TDRD12: variants seen among roughly 807,000 people sequenced by gnomAD.
The protein encoded by TDRD12 is tudor domain containing 12.
A neutral mutation model predicts 133.5 loss-of-function variants in TDRD12; 158 were observed. The observed-to-expected ratio is 1.18, with a 90% CI of 1.04 to 1.35. The LOEUF (loss-of-function observed/expected upper bound fraction) is 1.35. Among genes scored for constraint, TDRD12 ranks in the 40% most tolerant of loss-of-function variants. TDRD12 has a pLI of 0.00. For missense variants in TDRD12, 1,443 were observed against 1,321.3 expected (o/e 1.09, Z -1.43); for synonymous variants, 460 against 477.9 (o/e 0.96, Z 0.49).
In TDRD12 at chr19:32,807,235, C is replaced by T. The variant is rs915745142; in HGVS notation, c.2553-314C>T. On this transcript the variant is annotated intron_variant, in intron 21 of 27. Coordinates refer to ENST00000444215, the Ensembl canonical transcript of TDRD12. Reference sequence around the variant, plus strand: ...TGAGACATGATCTTGCCACTGCACTCCAGGCTGGGCAACAGAGTGAGACCA... The same window carrying T: ...TGAGACATGATCTTGCCACTGCACTTCAGGCTGGGCAACAGAGTGAGACCA... 4.7e-5 allele frequency among the ~76,000 whole-genome samples: 6 copies of T among 129,018 alleles called. No homozygotes were observed. The Admixed American group carries it at 5.2e-4, about 11-fold the overall frequency. The allele number at this position is 129,018 out of a possible 152,430, so 84.6% of individuals were successfully genotyped here.
At chr19:32,812,114 A>G (rs1967027164) in intron 24 of TDRD12, among the ~76,000 whole-genome samples, 1 of 152,220 alleles carries the variant, frequency 6.6e-6, no homozygotes, top group Non-Finnish European at 1.5e-5. Context: ...AAAGAGAACC[A>G]CTTGTGCTCA....
intron 27 of TDRD12, among the ~76,000 whole-genome samples, chr19:32,818,493 T>C (rs1967265398): frequency 6.6e-6 from 1 of 152,166 alleles, no homozygotes; most frequent in African/African-American, 2.4e-5. Flanking sequence ...AAGGGAGGGC[T>C]AGGGGACAAG....
intron 14 of TDRD12, among the ~76,000 whole-genome samples, chr19:32,795,750 G>A (rs1971207292): frequency 6.6e-6 from 1 of 152,220 alleles, no homozygotes; most frequent in Non-Finnish European, 1.5e-5. Context: ...GCGGAAGCAT[G>A]ATGCTGGCAT....
Position 32,720,137 on chromosome 19 carries a change from T to C in TDRD12, c.24+41T>C, listed in dbSNP as rs780746398. ...CCAGACCCACGCCAGACCCACGCAG[T>C]CCCCCACCCCCACCCCAGCCGCGCA... is the stretch of plus-strand genomic sequence containing the variant. On this transcript the variant is annotated intron_variant, in intron 1 of 27. Coordinates refer to ENST00000444215, the Ensembl canonical transcript of TDRD12. The C allele has an allele frequency of 1.6e-4, 250 of 1,519,898 alleles. No homozygotes were observed. In the East Asian group the frequency reaches 4.7e-3, roughly 28 times the overall value. The allele number at this position is 1,519,898 out of a possible 1,614,324, so 94.2% of individuals were successfully genotyped here.
At chr19:32,828,083 T>C (rs1967649385) in exon 10 of TDRD12, 1 of 152,230 alleles carries the variant, frequency 6.6e-6, no homozygotes, top group Non-Finnish European at 1.5e-5. Flanking sequence ...CATAACCATC[T>C]ATGTGAATTG....
chr19:32,780,088 T>TC lies in TDRD12; in HGVS notation c.1121+2859_1121+2860insC, dbSNP rs1380334192. Reference sequence around the variant, plus strand: ...TGCCCATTCTTTTTTTCTTTTCTTTTTTTTTTTTTTTTTGAGACAGAGTCT... The same window carrying TC: ...TGCCCATTCTTTTTTTCTTTTCTTTTCTTTTTTTTTTTTTGAGACAGAGTCT... On this transcript the variant is annotated intron_variant, in intron 11 of 27. Transcript: ENST00000444215. Among the ~76,000 whole-genome samples, 14 of 142,124 alleles carry TC rather than the reference T, an allele frequency of 9.9e-5. 1 individual carries two copies. Among genetic ancestry groups the TC allele is most frequent in the Admixed American group, 5.4e-4 (8 of 14,758 alleles). The allele number at this position is 142,124 out of a possible 152,430, so 93.2% of individuals were successfully genotyped here.
At chr19:32,732,993 G>A (rs1969106537) in intron 2 of TDRD12, among the ~76,000 whole-genome samples, 1 of 152,026 alleles carries the variant, frequency 6.6e-6, no homozygotes, top group Admixed American at 6.6e-5. Context: ...GGGCAACATA[G>A]TAAGACCCTG....
intron 10 of TDRD12, among the ~76,000 whole-genome samples, chr19:32,774,103 A>G (rs906939082): frequency 6.6e-6 from 1 of 152,210 alleles, no homozygotes; most frequent in African/African-American, 2.4e-5. Context: ...CCTCTTCAAG[A>G]TACATGTCAG....
chr19:32,826,042 A>C, downstream of TDRD12: 1 of 1,322,168 alleles, frequency 7.6e-7, no homozygotes, highest in Middle Eastern at 1.8e-4. Flanking sequence ...ATGTGTGTAC[A>C]TGATGGAGTT....
At chr19:32,751,238 A>G (rs1299166389) in intron 6 of TDRD12, among the ~76,000 whole-genome samples, 1 of 151,808 alleles carries the variant, frequency 6.6e-6, no homozygotes, top group African/African-American at 2.4e-5. Flanking sequence ...TTTGCTGAGG[A>G]TAATGGCTTC....
intron 1 of TDRD12, among the ~76,000 whole-genome samples, chr19:32,724,135 A>G (rs1310337861): frequency 6.6e-6 from 1 of 152,220 alleles, no homozygotes; most frequent in African/African-American, 2.4e-5. Context: ...TAATGGGATT[A>G]TGGGAATGAG....
downstream of TDRD12, among the ~76,000 whole-genome samples, chr19:32,822,393 C>T (rs1967430181): frequency 1.3e-5 from 2 of 152,188 alleles, no homozygotes; most frequent in Non-Finnish European, 2.9e-5. Context: ...GATTGTACCA[C>T]TGCACTCTTG....
chr19:32,765,351 A>G (rs1970264506), intron 8 of TDRD12, among the ~76,000 whole-genome samples: 1 of 152,212 alleles, frequency 6.6e-6, no homozygotes, highest in African/African-American at 2.4e-5. Flanking sequence ...GGGATCTAGA[A>G]CTAGAAATAC....
chr19:32,736,277 A>G (rs983243226), intron 2 of TDRD12, among the ~76,000 whole-genome samples: 6 of 152,088 alleles, frequency 3.9e-5, no homozygotes, highest in Admixed American at 3.9e-4. Flanking sequence ...TGAGCTGGGT[A>G]TGGTGGCACG....
intron 11 of TDRD12, among the ~76,000 whole-genome samples, chr19:32,787,703 G>A (rs542586040): frequency 1.3e-5 from 2 of 152,332 alleles, no homozygotes; most frequent in East Asian, 3.9e-4. Context: ...TCAGACTGCT[G>A]TGCTAGCATC....
intron 6 of TDRD12, among the ~76,000 whole-genome samples, chr19:32,752,498 T>C (rs977640548): frequency 6.6e-6 from 1 of 152,070 alleles, no homozygotes; most frequent in Admixed American, 6.6e-5. Context: ...CATTTTTAAT[T>C]GGAATTTTAT....
Position 32,769,700 on chromosome 19 carries a change from G to A in TDRD12, c.866-3053G>A, listed in dbSNP as rs976598905. 4.6e-5 allele frequency among the ~76,000 whole-genome samples: 7 copies of A among 151,604 alleles called. No homozygotes were observed. In the South Asian group the frequency reaches 1.0e-3, roughly 23 times the overall value. Reference sequence around the variant, plus strand: ...TGCCCAGGCTAGAGTGCAATGGCACGATCTCAGCTCACCACAACCTCCGCC... The same window carrying A: ...TGCCCAGGCTAGAGTGCAATGGCACAATCTCAGCTCACCACAACCTCCGCC... On this transcript the variant is annotated intron_variant, in intron 8 of 27. Coordinates refer to ENST00000444215, the Ensembl canonical transcript of TDRD12.
chr19:32,726,172 C>G (rs1368480504), intron 1 of TDRD12, among the ~76,000 whole-genome samples: 2 of 151,964 alleles, frequency 1.3e-5, no homozygotes, highest in Non-Finnish European at 2.9e-5. Flanking sequence ...GCTCTGCCTC[C>G]TGGGTTCACG....
rs1213388114 is a variant in TDRD12, at chr19:32,777,143, T to G, written c.1041-6T>G. 1 of 1,529,086 alleles carries G rather than the reference T, an allele frequency of 6.5e-7. No homozygotes were observed. The highest frequency in any genetic ancestry group is 8.8e-7 in the Non-Finnish European group (1 of 1,138,204). The allele number at this position is 1,529,086 out of a possible 1,614,324, so 94.7% of individuals were successfully genotyped here. A position where few individuals can be genotyped will look rare whatever the true frequency, so the allele number is the denominator to read the frequency against. On this transcript the variant is annotated splice_region_variant and splice_polypyrimidine_tract_variant and intron_variant, in intron 10 of 27. Coordinates refer to ENST00000444215, the Ensembl canonical transcript of TDRD12. ...ATTTTAATGAATTTTTTTTTTTCAT[T>G]TCTAGTGCTTTAAGTCAGAAGTCAA...
Sources: gnomAD v4.1 joint callset for allele counts (sites outside exome capture counted in the v4.1 genomes callset) on GRCh38, gnomAD v4.1.1 for gene constraint, MANE v1.5 for transcripts, NCBI Gene and HGNC (gene_info 2026-07-23, HGNC 2026-07-21) for gene names.